Variants in MOB3B observed in about 807,000 individuals in gnomAD.
MOB3B encodes MOB kinase activator-like 2B.
In MOB3B, 7 loss-of-function variants were observed where a neutral mutation model predicts 18.7. The observed-to-expected ratio is 0.37, with a 90% confidence interval of 0.21 to 0.70. The LOEUF (loss-of-function observed/expected upper bound fraction) is 0.70, where lower values mean the gene tolerates loss of function less well. MOB3B is among the 30% of genes least tolerant of loss of function. The pLI is 0.52. For synonymous variants in MOB3B, 111 were observed against 99.9 expected (o/e 1.11, Z -0.66); for missense variants, 253 against 281.3 (o/e 0.90, Z 0.72).
rs1821349990 is a variant in MOB3B at position 27,366,886 on chromosome 9, G to C, written c.419-7650C>G. Reference sequence around the variant, plus strand: ...TCTTCTTTCTTTAGAGCTTGGCTCAGTGTCTCCCATCATCCGCAGACCCAG... The same window carrying C: ...TCTTCTTTCTTTAGAGCTTGGCTCACTGTCTCCCATCATCCGCAGACCCAG... On this transcript the variant is annotated intron_variant, in intron 2 of 3. Transcript: ENST00000262244. Among the ~76,000 whole-genome samples, 3 of 152,196 alleles carry C rather than the reference G, an allele frequency of 2.0e-5. No individual in the cohort carries two copies. In the South Asian group the frequency reaches 6.2e-4, roughly 32 times the overall value.
rs1820754144 is a variant in MOB3B at position 27,329,199 on chromosome 9, A to C, written c.*1388T>G. The C allele has an allele frequency of 6.6e-6, 1 of 152,184 alleles. No homozygotes were observed. The highest frequency in any genetic ancestry group is 1.5e-5 in the Non-Finnish European group (1 of 68,042). 9.4% of individuals were successfully genotyped at this position (152,184 alleles called of 1,614,324 possible). A position where few individuals can be genotyped will look rare whatever the true frequency, so the allele number is the denominator to read the frequency against. Reference sequence around the variant, plus strand: ...AATACATTCTTATCTACTTCCCTCCACCGACAAATATTTTGCTAAATTAAA... The same window carrying C: ...AATACATTCTTATCTACTTCCCTCCCCCGACAAATATTTTGCTAAATTAAA... On this transcript the variant is annotated 3_prime_UTR_variant, in exon 4 of 4. Transcript: ENST00000262244.
chr9:27,372,899 C>T (rs1821442894), intron 2 of MOB3B, among the ~76,000 whole-genome samples: 1 of 152,158 alleles, frequency 6.6e-6, no homozygotes, highest in African/African-American at 2.4e-5. Context: ...TCAGCTGTGA[C>T]AAATGTTTTG....
chr9:27,368,746 T>C (rs918192845), intron 2 of MOB3B, among the ~76,000 whole-genome samples: 5 of 152,192 alleles, frequency 3.3e-5, no homozygotes, highest in Non-Finnish European at 4.4e-5. Context: ...TATGTGATTA[T>C]ATGTTCTCAA....
At chr9:27,413,576 G>A (rs569039947) in intron 2 of MOB3B, among the ~76,000 whole-genome samples, 1 of 152,202 alleles carries the variant, frequency 6.6e-6, no homozygotes, top group African/African-American at 2.4e-5. Context: ...TATTTTGAAG[G>A]GACTGGATTG....
At chr9:27,359,271 T>C in intron 2 of MOB3B, 35 bp from the exon 3 acceptor site, 3 of 1,576,522 alleles carry the variant, frequency 1.9e-6, no homozygotes, top group African/African-American at 1.4e-5. Flanking sequence ...AATGAAACCA[T>C]GATGGGATAG....
intron 1 of MOB3B, among the ~76,000 whole-genome samples, chr9:27,458,709 C>G (rs565507764): frequency 3.3e-5 from 5 of 151,170 alleles, no homozygotes; most frequent in African/African-American, 1.2e-4. Context: ...TGCCACAATG[C>G]CTGGCTAAGT....
chr9:27,357,121 AATATAT>A (rs56064443), intron 3 of MOB3B, among the ~76,000 whole-genome samples: 1 of 62,916 alleles, frequency 1.6e-5, no homozygotes, highest in East Asian at 7.7e-4. Flanking sequence ...GAGTAATGCA[AATATAT>A]ATATATATAT....
intron 3 of MOB3B, among the ~76,000 whole-genome samples, chr9:27,340,866 G>A (rs1191479849): frequency 6.6e-6 from 1 of 152,228 alleles, no homozygotes; most frequent in Non-Finnish European, 1.5e-5. Context: ...GTTGGCAGGA[G>A]TCTGCCTCCC....
intron 2 of MOB3B, among the ~76,000 whole-genome samples, chr9:27,416,775 A>G (rs567397570): frequency 1.3e-5 from 2 of 151,982 alleles, no homozygotes; most frequent in East Asian, 3.9e-4. Flanking sequence ...GCTTTAAGTA[A>G]TCCTCCTGCC....
At chr9:27,434,115 AT>A (rs1288367377) in intron 2 of MOB3B, among the ~76,000 whole-genome samples, 1 of 152,110 alleles carries the variant, frequency 6.6e-6, no homozygotes, top group Admixed American at 6.5e-5. Flanking sequence ...TGGCTTTGTA[AT>A]TTGGAATCAG....
At chr9:27,464,421 T>C (rs758205856) in intron 1 of MOB3B, among the ~76,000 whole-genome samples, 3 of 152,154 alleles carry the variant, frequency 2.0e-5, no homozygotes, top group Non-Finnish European at 4.4e-5. Flanking sequence ...AGTTCCAGTA[T>C]TTTTTTGCAT....
At chr9:27,354,702 C>A (rs1034389736) in intron 3 of MOB3B, among the ~76,000 whole-genome samples, 2 of 152,170 alleles carry the variant, frequency 1.3e-5, no homozygotes, top group African/African-American at 4.8e-5. Context: ...TTATTAGGTA[C>A]CAGGAACCCT....
chr9:27,455,968 C>T (rs537671623), intron 1 of MOB3B, among the ~76,000 whole-genome samples: 123 of 152,272 alleles, frequency 8.1e-4, no homozygotes, highest in African/African-American at 2.9e-3. Flanking sequence ...TTGTTCATGG[C>T]CTTTGTCAAA....
intron 2 of MOB3B, among the ~76,000 whole-genome samples, chr9:27,429,832 T>C (rs1176239908): frequency 6.6e-6 from 1 of 152,158 alleles, no homozygotes; most frequent in Non-Finnish European, 1.5e-5. Context: ...ATAAGCACTA[T>C]CACCAGGTAA....
chr9:27,482,384 G>A (rs1484212135), intron 1 of MOB3B, among the ~76,000 whole-genome samples: 2 of 152,182 alleles, frequency 1.3e-5, no homozygotes, highest in African/African-American at 4.8e-5. Flanking sequence ...GGATACCTGG[G>A]CTTATCTAGC....
At chr9:27,346,036 G>A (rs999869874) in intron 3 of MOB3B, among the ~76,000 whole-genome samples, 1 of 152,200 alleles carries the variant, frequency 6.6e-6, no homozygotes, top group African/African-American at 2.4e-5. Context: ...ATAGTATTAA[G>A]AGGTGGGGCC....
intron 3 of MOB3B, among the ~76,000 whole-genome samples, chr9:27,347,840 G>A (rs1276470160): frequency 6.6e-6 from 1 of 152,168 alleles, no homozygotes; most frequent in East Asian, 1.9e-4. Flanking sequence ...TGCTGTACAG[G>A]TTTATAGCCT....
At chr9:27,521,568 G>A (rs746241587) in intron 1 of MOB3B, among the ~76,000 whole-genome samples, 5 of 152,152 alleles carry the variant, frequency 3.3e-5, no homozygotes, top group Non-Finnish European at 5.9e-5. Context: ...CCAAGGCATC[G>A]TAAAAGCAAA....
At chr9:27,522,509 T>C (rs971950547) in intron 1 of MOB3B, among the ~76,000 whole-genome samples, 2 of 151,386 alleles carry the variant, frequency 1.3e-5, no homozygotes, top group African/African-American at 4.8e-5. Flanking sequence ...GCTTGTTTTT[T>C]AAACTACAAA....
Sources: gnomAD v4.1 joint callset for allele counts (sites outside exome capture counted in the v4.1 genomes callset) on GRCh38, gnomAD v4.1.1 for gene constraint, MANE v1.5 for transcripts, NCBI Gene and HGNC (gene_info 2026-07-23, HGNC 2026-07-21) for gene names.